Variants in REST observed in about 807,000 individuals in gnomAD.
REST encodes RE1 silencing transcription factor.
A neutral mutation model predicts 30.4 loss-of-function variants in REST; 1 was observed. The observed-to-expected ratio is 0.03, with a 90% CI of 0.01 to 0.16. The LOEUF (loss-of-function observed/expected upper bound fraction) is 0.16. Ranked by LOEUF, REST falls within the 10% of genes least tolerant of loss-of-function variation. The pLI is 1.00. For synonymous variants in REST, 504 were observed against 451.1 expected (o/e 1.12, Z -1.49); for missense variants, 1,259 against 1,329.5 (o/e 0.95, Z 0.82).
At chr4:56,917,639 C>T (rs971694325) in intron 2 of REST, among the ~76,000 whole-genome samples, 22 of 152,220 alleles carry the variant, frequency 1.4e-4, no homozygotes, top group African/African-American at 4.6e-4. Flanking sequence ...TTTGCAATTA[C>T]AGGAAATGAA....
Position 56,930,760 on chromosome 4 carries a change from G to A in REST, c.1902G>A (p.Met634Ile), listed in dbSNP as rs777213931. The A allele has an allele frequency of 1.8e-5, 29 of 1,604,334 alleles. No individual in the cohort carries two copies. The East Asian group carries it at 4.5e-4, about 25-fold the overall frequency. Residue 634 changes from methionine (M) to isoleucine (I), a missense_variant, in exon 4 of 4, where the codon ATG becomes ATA. Physicochemically the swap from Met to Ile is conservative, Grantham distance 10 (BLOSUM62 1). Transcript: ENST00000309042. ...TTCAGGTGGAGCCGCCACCTCCCAT[G>A]GAGCATGCTCAGATGGAGGGTGCCC... Reference protein sequence around the residue: ...GPVQVEPPPPMEHAQMEGAQI... With the variant: ...GPVQVEPPPPIEHAQMEGAQI...
At chr4:56,910,162 A>G (rs2109521256) in intron 1 of REST, among the ~76,000 whole-genome samples, 1 of 152,304 alleles carries the variant, frequency 6.6e-6, no homozygotes, top group African/African-American at 2.4e-5. Flanking sequence ...GTGTTTGTGT[A>G]CTTAATAAAT....
chr4:56,918,843 CT>C (rs1206348009), intron 2 of REST, among the ~76,000 whole-genome samples: 1 of 151,680 alleles, frequency 6.6e-6, no homozygotes, highest in Non-Finnish European at 1.5e-5. Flanking sequence ...GCTAATTTTT[CT>C]GTTTTTTGTA....
chr4:56,917,814 G>A lies in REST; in HGVS notation c.899-1973G>A, dbSNP rs149428075. 9.9e-3 allele frequency among the ~76,000 whole-genome samples: 1,500 copies of A among 152,212 alleles called. 29 individuals are homozygous for A. The highest frequency in any genetic ancestry group is 0.035 in the African/African-American group (1,438 of 41,524). ...TGCCTGTAATCCCAGCACTTTGGGA[G>A]GCCGAGGTGAGTGGATCACGAGGTC... On this transcript the variant is annotated intron_variant, in intron 2 of 3. Coordinates refer to ENST00000309042, the MANE Select transcript of REST (RefSeq NM_005612.5).
At chr4:56,912,159 C>G (rs1458165662) in intron 2 of REST, among the ~76,000 whole-genome samples, 1 of 152,064 alleles carries the variant, frequency 6.6e-6, no homozygotes, top group Non-Finnish European at 1.5e-5. Context: ...AATGGAACAA[C>G]TTGTCTTTGT....
Position 56,930,328 on chromosome 4 carries a change from C to T in REST, c.1470C>T (p.Thr490=). ...SNNVSVIQVT[T]RTRKSVTEVK... is the part of the protein sequence containing the mutation. ...ATGTGTCAGTGATCCAGGTGACTAC[C>T]AGAACTCGAAAATCAGTAACAGAGG... is the stretch of plus-strand genomic sequence containing the variant. Residue 490 remains threonine, a synonymous_variant, in exon 4 of 4, where the codon ACC becomes ACT. Transcript: ENST00000309042. 1 of 1,613,952 alleles carries T rather than the reference C, an allele frequency of 6.2e-7. No individual in the cohort carries two copies. Among genetic ancestry groups the T allele is most frequent in the Non-Finnish European group, 8.5e-7 (1 of 1,180,006 alleles).
chr4:56,923,493 G>A (rs544461314), intron 3 of REST, among the ~76,000 whole-genome samples: 1 of 152,196 alleles, frequency 6.6e-6, no homozygotes, highest in South Asian at 2.1e-4. Flanking sequence ...CACCCAGCTA[G>A]AGTACAATGG....
rs775148858 is a variant in REST, at chr4:56,931,670, C to T, written c.2812C>T (p.His938Tyr). The T allele has an allele frequency of 2.5e-6, 4 of 1,614,090 alleles. No individual in the cohort carries two copies. The South Asian group carries it at 4.4e-5, about 18-fold the overall frequency. ...AGAGGGTGAAACTTTAAATGGTAAACATCAGACTGACAGTATAGTTTGTGA... is the reference window on the plus strand; with the variant it reads ...AGAGGGTGAAACTTTAAATGGTAAATATCAGACTGACAGTATAGTTTGTGA... ...TPEGETLNGK[H>Y]QTDSIVCEMK... The change falls in exon 4 of 4, where the codon CAT (histidine) becomes TAT (tyrosine). Residue 938 changes from histidine to tyrosine, a missense_variant. His to Tyr is a moderately conservative substitution (Grantham distance 83). Coordinates refer to ENST00000309042, the MANE Select transcript of REST (RefSeq NM_005612.5).
chr4:56,925,244 A>G (rs1481060733), intron 3 of REST, among the ~76,000 whole-genome samples: 1 of 151,842 alleles, frequency 6.6e-6, no homozygotes, highest in Non-Finnish European at 1.5e-5. Flanking sequence ...AAGGGAATTA[A>G]TTTAAAAACT....
Position 56,931,271 on chromosome 4 carries a change from C to T in REST, c.2413C>T (p.Leu805Phe), listed in dbSNP as rs767066151. The T allele has an allele frequency of 1.2e-6, 2 of 1,614,228 alleles. No homozygotes were observed. The highest frequency in any genetic ancestry group is 1.7e-6 in the Non-Finnish European group (2 of 1,180,038). Residue 805 changes from leucine (L) to phenylalanine (F), a missense_variant, in exon 4 of 4, where the codon CTT (leucine) becomes TTT (phenylalanine). Leu to Phe is a conservative substitution (Grantham distance 22). Transcript: ENST00000309042. ...REPPPPREPP[L>F]HMEPISKKPP... ...GCCACCTCCTCCCAGAGAGCCTCCC[C>T]TTCACATGGAGCCAATTTCCAAAAA...
rs751009101 is a variant in REST, at chr4:56,930,493, G to A, written c.1635G>A (p.Lys545=). 8 of 1,611,926 alleles carry A rather than the reference G, an allele frequency of 5.0e-6. No homozygotes were observed. The highest frequency in any genetic ancestry group is 6.8e-6 in the Non-Finnish European group (8 of 1,179,590). The change falls in exon 4 of 4, where the codon AAG becomes AAA. Residue 545 remains lysine (K), a synonymous_variant. Transcript: ENST00000309042. The part of the protein sequence containing the change: ...NDEESSTKKK[K]KVESKSKNNS... ...AGGAATCTTCAACAAAAAAGAAAAAGAAGGTAGAAAGCAAATCCAAAAATA... is the reference window on the plus strand; with the variant it reads ...AGGAATCTTCAACAAAAAAGAAAAAAAAGGTAGAAAGCAAATCCAAAAATA...
rs140044440 is a variant in REST at position 56,927,462 on chromosome 4, A to G, written c.983-2379A>G. 1.2e-3 allele frequency among the ~76,000 whole-genome samples: 181 copies of G among 152,364 alleles called. 2 individuals carry two copies. In the East Asian group the frequency reaches 0.013, roughly 11 times the overall value. The stretch of plus-strand genomic sequence containing the variant: ...TTTTATCACCAGGCATTTTCTAATC[A>G]TGTAAAACTTAACATCTACATGGTT... On this transcript the variant is annotated intron_variant, in intron 3 of 3. Coordinates refer to ENST00000309042, the MANE Select transcript of REST (RefSeq NM_005612.5).
In REST at chr4:56,910,898, G is replaced by A; in HGVS notation, c.260G>A (p.Ser87Asn). 1.2e-6 allele frequency: 2 copies of A among 1,614,220 alleles called. No homozygotes were observed. The highest frequency in any genetic ancestry group is 4.5e-5 in the East Asian group (2 of 44,886). The change falls in exon 2 of 4, where the codon AGT (serine) becomes AAT (asparagine). Residue 87 changes from serine (S) to asparagine (N), a missense_variant. By Grantham distance (46) the Ser-to-Asn change is conservative. Around this residue, in one of 5 missense-constraint regions of REST, gnomAD observed 249 missense variants for 251.5 expected, o/e 0.99. Coordinates refer to ENST00000309042, the MANE Select transcript of REST (RefSeq NM_005612.5). ...MPVGDNNFSD[S>N]EEGEGLEESA... Reference sequence around the variant, plus strand: ...GTTGGGGATAACAACTTTTCAGATAGTGAAGAAGGAGAAGGACTTGAAGAG... The same window carrying A: ...GTTGGGGATAACAACTTTTCAGATAATGAAGAAGGAGAAGGACTTGAAGAG...
At chr4:56,921,164 G>A (rs1488735800) in intron 3 of REST, among the ~76,000 whole-genome samples, 6 of 151,868 alleles carry the variant, frequency 4.0e-5, no homozygotes, top group East Asian at 3.9e-4. Flanking sequence ...ATGCCTGGCC[G>A]AACTACCACT....
chr4:56,930,280 A>G lies in REST; in HGVS notation c.1422A>G (p.Ser474=). 1.2e-6 allele frequency: 2 copies of G among 1,613,514 alleles called. No homozygotes were observed. Among genetic ancestry groups the G allele is most frequent in the Non-Finnish European group, 1.7e-6 (2 of 1,179,960 alleles). The change falls in exon 4 of 4, where the codon TCA becomes TCG. Residue 474 remains serine, a synonymous_variant. Coordinates refer to ENST00000309042, the MANE Select transcript of REST (RefSeq NM_005612.5). ...TCAAAGCAGAGAAAAGAGATGTCTC[A>G]AAAGAGAAAAAGCCTTCTAATAATG... ...KSVKAEKRDV[S]KEKKPSNNVS...
At chr4:56,929,221 C>G (rs1460472367) in intron 3 of REST, among the ~76,000 whole-genome samples, 2 of 152,082 alleles carry the variant, frequency 1.3e-5, no homozygotes, top group Non-Finnish European at 2.9e-5. Flanking sequence ...GTGTGCAACA[C>G]CACGCCCAGC....
chr4:56,908,988 G>A (rs1262252239), intron 1 of REST: 1 of 151,654 alleles, frequency 6.6e-6, no homozygotes, highest in Non-Finnish European at 1.5e-5. Context: ...GAGCCCCGGG[G>A]CGGTCGGAGG....
chr4:56,925,056 T>C (rs527594938), intron 3 of REST, among the ~76,000 whole-genome samples: 2 of 151,104 alleles, frequency 1.3e-5, no homozygotes, highest in African/African-American at 4.9e-5. Context: ...TCCCAGCTAC[T>C]CCGGAGGCTG....
intron 1 of REST, among the ~76,000 whole-genome samples, chr4:56,908,499 G>T (rs1719726499): frequency 6.6e-6 from 1 of 152,000 alleles, no homozygotes; most frequent in Non-Finnish European, 1.5e-5. Context: ...CTCCGCGCTG[G>T]CCCGGACGCT....
Sources: gnomAD v4.1 joint callset for allele counts (sites outside exome capture counted in the v4.1 genomes callset) on GRCh38, gnomAD v4.1.1 for gene constraint, gnomAD v4.1.1 regional missense constraint, MANE v1.5 for transcripts, NCBI Gene and HGNC (gene_info 2026-07-23, HGNC 2026-07-21) for gene names.